Variants in ESD observed in about 807,000 individuals in gnomAD.
ESD encodes the protein S-formylglutathione hydrolase.
ESD carries 34 observed loss-of-function variants against 38.1 expected under a neutral mutation model. The observed-to-expected ratio is 0.89, with a 90% CI of 0.68 to 1.19. The LOEUF is 1.19. ESD is among the 50% of genes most tolerant of loss of function. The pLI, the probability that ESD is intolerant of heterozygous loss-of-function variation, is 0.00. For synonymous variants in ESD, 97 were observed against 107.0 expected, an observed-to-expected ratio of 0.91 and a Z score of 0.58; for missense variants, 334 against 327.2, an observed-to-expected ratio of 1.02 and a Z score of -0.16.
intron 9 of ESD, among the ~76,000 whole-genome samples, chr13:46,772,936 A>G (rs538718824): frequency 2.0e-4 from 30 of 152,142 alleles, no homozygotes; most frequent in South Asian, 1.4e-3. Flanking sequence ...CGTCCACCTT[A>G]GCCTCCCAAA....
intron 2 of ESD, among the ~76,000 whole-genome samples, chr13:46,792,942 T>C (rs1365034618): frequency 6.6e-6 from 1 of 152,070 alleles, no homozygotes; most frequent in East Asian, 1.9e-4. Flanking sequence ...TTGCAAAAGA[T>C]GGTACACTGA....
chr13:46,790,209 T>C (rs1274922918), intron 3 of ESD, among the ~76,000 whole-genome samples: 1 of 152,086 alleles, frequency 6.6e-6, no homozygotes, highest in Non-Finnish European at 1.5e-5. Context: ...TACTTTGATA[T>C]GAAGAGAAGT....
Position 46,777,454 on chromosome 13 carries a change from G to T in ESD, c.768+2C>A. 6.2e-7 allele frequency: 1 copy of T among 1,600,296 alleles called. No individual in the cohort carries two copies. The highest frequency in any genetic ancestry group is 8.5e-7 in the Non-Finnish European group (1 of 1,171,558). ...ATCAAGCTAAAGTTTCCTAATACTT[G>T]CCTCTTGCAATCGAAAAACAACGGG... is the stretch of plus-strand genomic sequence containing the variant. On this transcript the variant is annotated splice_donor_variant, in intron 9 of 9. Transcript: ENST00000378720. LOFTEE classifies it high-confidence loss of function.
intron 6 of ESD, among the ~76,000 whole-genome samples, chr13:46,781,903 G>C (rs1195378321): frequency 6.6e-6 from 1 of 151,554 alleles, no homozygotes; most frequent in Non-Finnish European, 1.5e-5. Flanking sequence ...TTCACTTTTT[G>C]GAATATATTC....
chr13:46,796,689 C>G (rs191414233), intron 1 of ESD, among the ~76,000 whole-genome samples: 2,155 of 152,374 alleles, frequency 0.014, 26 homozygotes, highest in Non-Finnish European at 0.024. Context: ...CACACTCCCC[C>G]GAACCAGGCG....
At chr13:46,774,441 CTTCT>C (rs1447138657) in intron 9 of ESD, among the ~76,000 whole-genome samples, 2 of 152,208 alleles carry the variant, frequency 1.3e-5, no homozygotes, top group South Asian at 4.1e-4. Context: ...ATGGGGATGG[CTTCT>C]TTAATTAAAT....
chr13:46,788,723 C>T (rs1357156004), intron 3 of ESD, among the ~76,000 whole-genome samples: 2 of 146,126 alleles, frequency 1.4e-5, no homozygotes, highest in African/African-American at 2.5e-5. Flanking sequence ...TCTTCTGAAA[C>T]CTCTGTCCCT....
At chr13:46,789,318 C>T (rs977328889) in intron 3 of ESD, among the ~76,000 whole-genome samples, 2 of 152,194 alleles carry the variant, frequency 1.3e-5, no homozygotes, top group Admixed American at 6.5e-5. Flanking sequence ...CTTCATTCTA[C>T]TCTCACTTAA....
At position 46,772,091 on chromosome 13, in the gene ESD, C is replaced by T. The variant is rs9526230; in HGVS notation, c.769-595G>A. Among the ~76,000 whole-genome samples, 948 of 152,252 alleles carry T rather than the reference C, an allele frequency of 6.2e-3. 8 individuals are homozygous for T. The highest frequency in any genetic ancestry group is 0.052 in the South Asian group (250 of 4,826). On this transcript the variant is annotated intron_variant, in intron 9 of 9. Transcript: ENST00000378720. ...AAATGTTCTATCATTGTTGGGAAGT[C>T]AAACACAGCCATCATAAATCCTGTT... is the stretch of plus-strand genomic sequence containing the variant.
chr13:46,774,560 G>C (rs1874720747), intron 9 of ESD, among the ~76,000 whole-genome samples: 1 of 152,086 alleles, frequency 6.6e-6, no homozygotes, highest in African/African-American at 2.4e-5. Context: ...ACTTTAAATG[G>C]AAAATCCTTG....
intron 4 of ESD, among the ~76,000 whole-genome samples, chr13:46,784,919 C>A (rs536020049): frequency 6.6e-6 from 1 of 152,086 alleles, no homozygotes; most frequent in East Asian, 1.9e-4. Context: ...ATTAAAACAA[C>A]CCCAGTGAAG....
chr13:46,779,997 G>A lies in ESD; in HGVS notation c.538C>T (p.Leu180Phe), dbSNP rs1455280897. The A allele has an allele frequency of 5.0e-6, 8 of 1,603,254 alleles. No individual in the cohort carries two copies. The Admixed American group carries it at 6.8e-5, about 14-fold the overall frequency. ...AAGGCTTTTTTGCCCCAGGGACAGAGTACAGGGTTGCAAATTGGAGCAAAT... is the reference window on the plus strand; with the variant it reads ...AAGGCTTTTTTGCCCCAGGGACAGAATACAGGGTTGCAAATTGGAGCAAAT... ...SAFAPICNPV[L>F]CPWGKKAFSG... Residue 180 changes from leucine to phenylalanine, a missense_variant, in exon 8 of 10, where the codon CTC becomes TTC. Leu to Phe is a conservative substitution (Grantham distance 22). Coordinates refer to ENST00000378720, the MANE Select transcript of ESD (RefSeq NM_001984.2).
In ESD at chr13:46,771,324, A is replaced by T; in HGVS notation, c.*92T>A. Reference sequence around the variant, plus strand: ...AAGCCCTTTTAGCACTATAAAATCCAATGTTTTGAATTTTTTTTTTTTTTG... The same window carrying T: ...AAGCCCTTTTAGCACTATAAAATCCTATGTTTTGAATTTTTTTTTTTTTTG... On this transcript the variant is annotated 3_prime_UTR_variant, in exon 10 of 10. Transcript: ENST00000378720. The T allele has an allele frequency of 2.5e-6, 2 of 811,830 alleles. No homozygotes were observed. Among genetic ancestry groups the T allele is most frequent in the South Asian group, 1.7e-5 (1 of 58,796 alleles). 50.3% of individuals were successfully genotyped at this position (811,830 alleles called of 1,614,324 possible).
intron 3 of ESD, among the ~76,000 whole-genome samples, chr13:46,789,319 T>A (rs1335125899): frequency 6.6e-6 from 1 of 152,196 alleles, no homozygotes; most frequent in Non-Finnish European, 1.5e-5. Context: ...TTCATTCTAC[T>A]CTCACTTAAT....
chr13:46,794,910 A>AT (rs1188001635), intron 1 of ESD, among the ~76,000 whole-genome samples: 1 of 151,946 alleles, frequency 6.6e-6, no homozygotes, highest in African/African-American at 2.4e-5. Context: ...TTTCAACTAC[A>AT]TTTTCTGGGT....
At position 46,781,540 on chromosome 13, in the gene ESD, G is replaced by T. The variant is rs1875000314; in HGVS notation, c.457C>A (p.His153Asn). The T allele has an allele frequency of 1.2e-6, 2 of 1,608,472 alleles. No homozygotes were observed. The highest frequency in any genetic ancestry group is 1.1e-5 in the South Asian group (1 of 90,722). ...TTCAAAGCACAGATCAGAGCTCCATGACCTCCCATGGAGTGGCCAAAAATA... is the reference window on the plus strand; with the variant it reads ...TTCAAAGCACAGATCAGAGCTCCATTACCTCCCATGGAGTGGCCAAAAATA... ...MSIFGHSMGG[H>N]GALICALKNP... Residue 153 changes from histidine (H) to asparagine (N), a missense_variant, in exon 7 of 10, where the codon CAT becomes AAT. Transcript: ENST00000378720.
intron 5 of ESD, 62 bp from the exon 6 acceptor site, chr13:46,782,853 C>T: frequency 6.3e-7 from 1 of 1,582,246 alleles, no homozygotes; most frequent in Non-Finnish European, 8.6e-7. Context: ...TTTAATAACA[C>T]ACTTTCAGAT....
chr13:46,794,933 A>C (rs1358993554), intron 1 of ESD, among the ~76,000 whole-genome samples: 4 of 152,134 alleles, frequency 2.6e-5, no homozygotes, highest in Non-Finnish European at 4.4e-5. Context: ...AATAATCTAA[A>C]TCTGCATCTC....
chr13:46,785,839 C>T (rs1337406186), intron 4 of ESD: 2 of 151,968 alleles, frequency 1.3e-5, no homozygotes, highest in Non-Finnish European at 2.9e-5. Flanking sequence ...ACCTATGACA[C>T]AATGCCTCAG....
Sources: allele counts gnomAD v4.1 joint callset (sites outside exome capture counted in the v4.1 genomes callset), GRCh38; gene constraint gnomAD v4.1.1; transcripts MANE v1.5; gene names NCBI Gene and HGNC (gene_info 2026-07-23, HGNC 2026-07-21).